The following GSTCD variants were observed in gnomAD, a reference collection of about 807,000 sequenced individuals.
The protein encoded by GSTCD is glutathione S-transferase C-terminal domain-containing protein.
GSTCD carries 44 observed loss-of-function variants against 68.3 expected under a neutral mutation model. The ratio of observed to expected loss-of-function variants is 0.64; its 90% CI spans 0.51 to 0.83. The LOEUF (loss-of-function observed/expected upper bound fraction) is 0.83, where lower values mean the gene tolerates loss of function less well. Among genes scored for constraint, GSTCD ranks in the 40% least tolerant of loss-of-function variants. GSTCD has a pLI of 0.00. For missense variants in GSTCD, 739 were observed against 735.9 expected (o/e 1.00, Z -0.05); for synonymous variants, 273 against 255.2 (o/e 1.07, Z -0.67).
chr4:105,753,745 A>G (rs1560812071), intron 5 of GSTCD, among the ~76,000 whole-genome samples: 1 of 152,090 alleles, frequency 6.6e-6, no homozygotes, highest in Non-Finnish European at 1.5e-5. Context: ...TAGTTTATAC[A>G]TAAACTATAC....
intron 5 of GSTCD, among the ~76,000 whole-genome samples, chr4:105,808,819 C>T (rs528773515): frequency 3.9e-5 from 6 of 152,216 alleles, no homozygotes; most frequent in East Asian, 1.9e-4. Flanking sequence ...AATCCCACTG[C>T]GTTCTGCCTG....
At chr4:105,713,165 A>G (rs1288679086) in intron 1 of GSTCD, among the ~76,000 whole-genome samples, 1 of 152,162 alleles carries the variant, frequency 6.6e-6, no homozygotes, top group East Asian at 1.9e-4. Context: ...ATTGTGTGTT[A>G]CATTATAAAA....
At chr4:105,841,743 C>T (rs72673860) in intron 10 of GSTCD, among the ~76,000 whole-genome samples, 7,010 of 151,936 alleles carry the variant, frequency 0.046, 214 homozygotes, top group Middle Eastern at 0.13. Flanking sequence ...CCCAACTACA[C>T]GGAGGCTGAG....
In GSTCD at chr4:105,719,585, A is replaced by G; in HGVS notation, c.894+58A>G. Reference sequence around the variant, plus strand: ...TGAGTTTCAGTCTATGAAATTGCCTAGGTTTGAATTTCTGTTTTACTTTTT... The same window carrying G: ...TGAGTTTCAGTCTATGAAATTGCCTGGGTTTGAATTTCTGTTTTACTTTTT... On this transcript the variant is annotated intron_variant, in intron 3 of 11. Coordinates refer to ENST00000515279, the MANE Select transcript of GSTCD (RefSeq NM_001370181.1). The G allele has an allele frequency of 2.4e-6, 3 of 1,273,338 alleles. No homozygotes were observed. In the South Asian group the frequency reaches 3.9e-5, roughly 17 times the overall value. The allele number at this position is 1,273,338 out of a possible 1,614,324, so 78.9% of individuals were successfully genotyped here.
chr4:105,727,383 G>A (rs1160655710), intron 4 of GSTCD, among the ~76,000 whole-genome samples: 1 of 151,876 alleles, frequency 6.6e-6, no homozygotes, highest in Non-Finnish European at 1.5e-5. Context: ...AATTAGCTGG[G>A]TGTGGTGGCA....
chr4:105,809,567 T>C (rs1426987092), intron 5 of GSTCD, among the ~76,000 whole-genome samples: 1 of 152,138 alleles, frequency 6.6e-6, no homozygotes, highest in Non-Finnish European at 1.5e-5. Flanking sequence ...TAATATAGTA[T>C]ATTTATTTGT....
At chr4:105,821,057 A>G (rs544410924) in intron 5 of GSTCD, 2 of 151,870 alleles carry the variant, frequency 1.3e-5, no homozygotes, top group South Asian at 2.1e-4. Context: ...CTCATTCCTT[A>G]CTTCATGGTG....
chr4:105,741,605 C>T (rs946721780), intron 5 of GSTCD, among the ~76,000 whole-genome samples: 4 of 152,122 alleles, frequency 2.6e-5, no homozygotes, highest in African/African-American at 9.7e-5. Context: ...AATATTTTCA[C>T]TTATTAGTAT....
At chr4:105,750,515 G>A (rs1733977644) in intron 5 of GSTCD, among the ~76,000 whole-genome samples, 1 of 150,624 alleles carries the variant, frequency 6.6e-6, no homozygotes, top group Admixed American at 6.6e-5. Context: ...CAAGGATGCA[G>A]AGAAACTGGA....
At chr4:105,770,021 A>C (rs1401700333) in intron 5 of GSTCD, among the ~76,000 whole-genome samples, 1 of 152,060 alleles carries the variant, frequency 6.6e-6, no homozygotes, top group Non-Finnish European at 1.5e-5. Flanking sequence ...AGCCTCCCAA[A>C]ATGCTAGGAT....
At chr4:105,780,046 A>G (rs1735217334) in intron 5 of GSTCD, among the ~76,000 whole-genome samples, 1 of 152,224 alleles carries the variant, frequency 6.6e-6, no homozygotes. Context: ...GAATCTAATT[A>G]CATGTTTCAT....
chr4:105,804,360 T>C (rs1327446372), intron 5 of GSTCD, among the ~76,000 whole-genome samples: 2 of 152,114 alleles, frequency 1.3e-5, no homozygotes. Context: ...CCCTAAATTA[T>C]AGTATGTCTT....
chr4:105,743,600 CATT>C (rs1733706877), intron 5 of GSTCD, among the ~76,000 whole-genome samples: 1 of 147,030 alleles, frequency 6.8e-6, no homozygotes, highest in African/African-American at 2.5e-5. Flanking sequence ...AAGTTGCAGA[CATT>C]GTTCACTTTC....
chr4:105,745,238 A>G (rs1489393815), intron 5 of GSTCD, among the ~76,000 whole-genome samples: 2 of 152,210 alleles, frequency 1.3e-5, no homozygotes, highest in African/African-American at 4.8e-5. Flanking sequence ...TGAATTCCAG[A>G]TGGTTTACCT....
intron 1 of GSTCD, among the ~76,000 whole-genome samples, chr4:105,709,553 A>G (rs996343323): frequency 6.6e-6 from 1 of 152,142 alleles, no homozygotes; most frequent in Admixed American, 6.5e-5. Context: ...TTTAACTTCT[A>G]TAGAAAGTTT....
At chr4:105,740,573 G>A (rs180769275) in intron 5 of GSTCD, among the ~76,000 whole-genome samples, 1 of 152,202 alleles carries the variant, frequency 6.6e-6, no homozygotes, top group Admixed American at 6.5e-5. Context: ...GGATGCTTGG[G>A]CATATGGAGT....
intron 5 of GSTCD, among the ~76,000 whole-genome samples, chr4:105,741,638 C>T (rs1393322798): frequency 6.6e-6 from 1 of 152,144 alleles, no homozygotes; most frequent in Non-Finnish European, 1.5e-5. Context: ...ACATCAGCTA[C>T]CAACTGAAGG....
At chr4:105,744,282 T>C (rs1014117694) in intron 5 of GSTCD, among the ~76,000 whole-genome samples, 1 of 152,232 alleles carries the variant, frequency 6.6e-6, no homozygotes, top group Non-Finnish European at 1.5e-5. Flanking sequence ...TTATGTCAGA[T>C]TGCACACAGT....
chr4:105,822,256 T>A (rs944584306), intron 5 of GSTCD, among the ~76,000 whole-genome samples: 1 of 152,010 alleles, frequency 6.6e-6, no homozygotes, highest in African/African-American at 2.4e-5. Context: ...ATTTCATACT[T>A]GGAAATGCCC....
Sources: gnomAD v4.1 joint callset for allele counts (sites outside exome capture counted in the v4.1 genomes callset) on GRCh38, gnomAD v4.1.1 for gene constraint, MANE v1.5 for transcripts, NCBI Gene and HGNC (gene_info 2026-07-23, HGNC 2026-07-21) for gene names.